Variants in RRAS2 observed in about 807,000 individuals in gnomAD.
RRAS2 encodes the protein ras-related protein R-Ras2.
In RRAS2, 7 loss-of-function variants were observed where a neutral mutation model predicts 27.6. The observed-to-expected ratio is 0.25, with a 90% CI of 0.14 to 0.48. RRAS2 has a LOEUF of 0.48. Ranked by LOEUF, RRAS2 falls within the 20% of genes least tolerant of loss-of-function variation. The pLI, the probability that RRAS2 is intolerant of heterozygous loss-of-function variation, is 0.99. For missense variants in RRAS2, 178 were observed against 256.2 expected (o/e 0.69, Z 2.08); for synonymous variants, 86 against 90.9 (o/e 0.95, Z 0.31).
At chr11:14,298,392 T>A (rs1262171731) in intron 1 of RRAS2, among the ~76,000 whole-genome samples, 1 of 152,230 alleles carries the variant, frequency 6.6e-6, no homozygotes, top group African/African-American at 2.4e-5. Context: ...CGTTGTGAGA[T>A]TAAGATATTA....
At chr11:14,341,404 C>T (rs1238312691) in intron 1 of RRAS2, among the ~76,000 whole-genome samples, 14 of 152,250 alleles carry the variant, frequency 9.2e-5, no homozygotes, top group African/African-American at 3.4e-4. Context: ...ATCATCAGTT[C>T]CTGTAACTAC....
At chr11:14,307,932 T>TCGG (rs1554948351) in intron 1 of RRAS2, among the ~76,000 whole-genome samples, 1 of 152,182 alleles carries the variant, frequency 6.6e-6, no homozygotes, top group African/African-American at 2.4e-5. Flanking sequence ...TCTGCACATA[T>TCGG]AAGAAATGAT....
At chr11:14,329,675 C>A (rs1445613486) in intron 1 of RRAS2, among the ~76,000 whole-genome samples, 4 of 151,896 alleles carry the variant, frequency 2.6e-5, no homozygotes, top group African/African-American at 9.7e-5. Flanking sequence ...GGCCATGATG[C>A]CAAAAGTAAA....
chr11:14,333,258 G>A (rs1848518026), intron 1 of RRAS2, among the ~76,000 whole-genome samples: 1 of 152,120 alleles, frequency 6.6e-6, no homozygotes. Context: ...TATAAGTCAT[G>A]TCATGATAAA....
At chr11:14,354,489 C>T (rs905274604) in intron 1 of RRAS2, 1 of 151,970 alleles carries the variant, frequency 6.6e-6, no homozygotes, top group Non-Finnish European at 1.5e-5. Flanking sequence ...ACATTCATCA[C>T]CTGAATACCA....
chr11:14,314,717 T>C (rs1385580723), intron 1 of RRAS2, among the ~76,000 whole-genome samples: 2 of 152,090 alleles, frequency 1.3e-5, no homozygotes, highest in East Asian at 1.9e-4. Context: ...TGAGATGGAG[T>C]CTCACTCTGT....
At chr11:14,340,279 T>A (rs1412394447) in intron 1 of RRAS2, among the ~76,000 whole-genome samples, 1 of 151,858 alleles carries the variant, frequency 6.6e-6, no homozygotes, top group Non-Finnish European at 1.5e-5. Flanking sequence ...TGTATTTTTT[T>A]AAGCAGAAAT....
chr11:14,350,325 T>G (rs1421020985), intron 1 of RRAS2, among the ~76,000 whole-genome samples: 4 of 152,152 alleles, frequency 2.6e-5, no homozygotes, highest in African/African-American at 7.2e-5. Context: ...ATTAATGCCC[T>G]CCCTGGGACT....
At position 14,285,042 on chromosome 11, in the gene RRAS2, T is replaced by C. The variant is rs560099538; in HGVS notation, c.409-3322A>G. On this transcript the variant is annotated intron_variant, in intron 4 of 5. Coordinates refer to ENST00000256196, the MANE Select transcript of RRAS2 (RefSeq NM_012250.6). Reference sequence around the variant, plus strand: ...GAGTCATCTTGCTATTAGTTTCCTATCCATATTATCTATTCTTTGTTCTAG... The same window carrying C: ...GAGTCATCTTGCTATTAGTTTCCTACCCATATTATCTATTCTTTGTTCTAG... 1.2e-4 allele frequency among the ~76,000 whole-genome samples: 19 copies of C among 152,320 alleles called. No individual in the cohort carries two copies. The South Asian group carries it at 3.9e-3, about 32-fold the overall frequency.
chr11:14,320,931 A>AGCAC (rs1338946240), intron 1 of RRAS2, among the ~76,000 whole-genome samples: 1 of 152,242 alleles, frequency 6.6e-6, no homozygotes, highest in Non-Finnish European at 1.5e-5. Flanking sequence ...CTATAATCCC[A>AGCAC]GCACTTTGGG....
intron 4 of RRAS2, among the ~76,000 whole-genome samples, chr11:14,285,387 G>GA (rs1453977714): frequency 6.6e-6 from 1 of 151,952 alleles, no homozygotes; most frequent in Non-Finnish European, 1.5e-5. Context: ...CGTCTCTCAA[G>GA]AAAAAAACAA....
intron 1 of RRAS2, among the ~76,000 whole-genome samples, chr11:14,340,929 C>G (rs1848692160): frequency 6.6e-6 from 1 of 152,086 alleles, no homozygotes; most frequent in Non-Finnish European, 1.5e-5. Flanking sequence ...CATTCTTGTT[C>G]CAAGAACACA....
At chr11:14,316,245 A>G (rs573239003) in intron 1 of RRAS2, among the ~76,000 whole-genome samples, 26 of 152,336 alleles carry the variant, frequency 1.7e-4, no homozygotes, top group Admixed American at 5.9e-4. Flanking sequence ...AAAAATATAA[A>G]ATTCTTAGTC....
chr11:14,333,084 A>G (rs758238373), intron 1 of RRAS2, among the ~76,000 whole-genome samples: 3 of 152,134 alleles, frequency 2.0e-5, no homozygotes, highest in Non-Finnish European at 2.9e-5. Context: ...AAATAACACA[A>G]AAAGTATTTT....
At chr11:14,357,384 C>T (rs557849044) in intron 1 of RRAS2, among the ~76,000 whole-genome samples, 7 of 152,088 alleles carry the variant, frequency 4.6e-5, no homozygotes, top group Non-Finnish European at 1.0e-4. Flanking sequence ...CGTACAATCT[C>T]TCTGCGCCCT....
At chr11:14,284,931 T>C (rs1554944846) in intron 4 of RRAS2, among the ~76,000 whole-genome samples, 1 of 152,206 alleles carries the variant, frequency 6.6e-6, no homozygotes, top group Non-Finnish European at 1.5e-5. Context: ...TCTTGTAGCA[T>C]CTTGTTTTTT....
At chr11:14,290,411 T>G (rs1413683973) in intron 4 of RRAS2, among the ~76,000 whole-genome samples, 2 of 152,178 alleles carry the variant, frequency 1.3e-5, no homozygotes, top group African/African-American at 4.8e-5. Context: ...ATCGTGCCAT[T>G]GCACTCCAGC....
intron 1 of RRAS2, among the ~76,000 whole-genome samples, chr11:14,348,458 T>C (rs1008579590): frequency 6.6e-6 from 1 of 152,254 alleles, no homozygotes; most frequent in African/African-American, 2.4e-5. Flanking sequence ...ACTGTTATAA[T>C]TGCCAAAAGG....
chr11:14,332,534 C>T (rs1300620715), intron 1 of RRAS2, among the ~76,000 whole-genome samples: 4 of 152,008 alleles, frequency 2.6e-5, no homozygotes, highest in Non-Finnish European at 5.9e-5. Context: ...AAATAAAGAA[C>T]CATAGAAACA....
Sources: allele counts gnomAD v4.1 joint callset (sites outside exome capture counted in the v4.1 genomes callset), GRCh38; gene constraint gnomAD v4.1.1; transcripts MANE v1.5; gene names NCBI Gene and HGNC (gene_info 2026-07-23, HGNC 2026-07-21).